The following ROBO2 variants were observed in gnomAD, a reference collection of about 807,000 sequenced individuals.
The protein encoded by ROBO2 is roundabout guidance receptor 2, also known as roundabout homolog 2.
In ROBO2, 53 loss-of-function variants were observed where a neutral mutation model predicts 160.8. The observed-to-expected ratio is 0.33, with a 90% CI of 0.26 to 0.41. ROBO2 has a LOEUF of 0.41. Among genes scored for constraint, ROBO2 ranks in the 10% least tolerant of loss-of-function variants. The pLI, the probability that ROBO2 is intolerant of heterozygous loss-of-function variation, is 1.00. For missense variants in ROBO2, 1,577 were observed against 1,722.4 expected (o/e 0.92, Z 1.49); for synonymous variants, 664 against 611.7 (o/e 1.09, Z -1.26).
At chr3:76,861,177 A>T (rs969262650) in intron 2 of ROBO2, among the ~76,000 whole-genome samples, 1 of 152,142 alleles carries the variant, frequency 6.6e-6, no homozygotes, top group Non-Finnish European at 1.5e-5. Context: ...TCCTTCATTT[A>T]TCTTGAGGAA....
chr3:76,718,710 A>C (rs1422304249), intron 2 of ROBO2, among the ~76,000 whole-genome samples: 5 of 152,172 alleles, frequency 3.3e-5, no homozygotes. Flanking sequence ...ATTTGTGAGC[A>C]ATGCTATTTT....
At chr3:77,308,464 G>C (rs1168718924) in intron 2 of ROBO2, among the ~76,000 whole-genome samples, 1 of 152,140 alleles carries the variant, frequency 6.6e-6, no homozygotes, top group South Asian at 2.1e-4. Context: ...GACTCCCAAC[G>C]TTGTGTCAGT....
intron 2 of ROBO2, among the ~76,000 whole-genome samples, chr3:77,216,352 C>T (rs1028476221): frequency 2.6e-5 from 4 of 152,152 alleles, no homozygotes; most frequent in East Asian, 1.9e-4. Flanking sequence ...AGCAAGACTC[C>T]GTGGGCATAG....
chr3:76,071,446 A>G, intron 2 of ROBO2, among the ~76,000 whole-genome samples: 1 of 152,146 alleles, frequency 6.6e-6, no homozygotes, highest in East Asian at 1.9e-4. Flanking sequence ...TAAGTATAAA[A>G]TGTTATGAAC....
At chr3:76,374,030 G>T (rs1440047157) in intron 2 of ROBO2, among the ~76,000 whole-genome samples, 1 of 151,992 alleles carries the variant, frequency 6.6e-6, no homozygotes, top group African/African-American at 2.4e-5. Context: ...GGAGTTCCAA[G>T]AACTTAATAA....
At chr3:77,303,396 G>A (rs1334562974) in intron 2 of ROBO2, among the ~76,000 whole-genome samples, 2 of 152,144 alleles carry the variant, frequency 1.3e-5, no homozygotes, top group African/African-American at 2.4e-5. Flanking sequence ...ATTTGATTTT[G>A]GGGCTAAGGT....
intron 20 of ROBO2, among the ~76,000 whole-genome samples, chr3:77,604,285 C>T (rs2094485564): frequency 1.3e-5 from 2 of 152,100 alleles, no homozygotes; most frequent in African/African-American, 4.8e-5. Flanking sequence ...TAATAAGTCT[C>T]ACAATTGTTC....
intron 2 of ROBO2, among the ~76,000 whole-genome samples, chr3:77,390,364 G>A (rs1438255095): frequency 2.0e-5 from 3 of 152,160 alleles, no homozygotes; most frequent in Admixed American, 6.5e-5. Flanking sequence ...ATCTTGAACT[G>A]TAGCTTCCAC....
chr3:77,030,073 A>T (rs931491514), intron 2 of ROBO2, among the ~76,000 whole-genome samples: 1 of 151,470 alleles, frequency 6.6e-6, no homozygotes, highest in Non-Finnish European at 1.5e-5. Context: ...GCCTCCCGAG[A>T]AGCTGGGACT....
intron 2 of ROBO2, among the ~76,000 whole-genome samples, chr3:77,026,172 G>T (rs559576409): frequency 3.4e-4 from 51 of 152,184 alleles, no homozygotes; most frequent in Middle Eastern, 3.4e-3. Context: ...CTCCAACTCC[G>T]TGGAATCCTT....
chr3:76,858,511 G>T (rs2070385058), intron 2 of ROBO2, among the ~76,000 whole-genome samples: 1 of 152,146 alleles, frequency 6.6e-6, no homozygotes, highest in African/African-American at 2.4e-5. Flanking sequence ...CAATCTGCCT[G>T]CCTTGGCTTC....
intron 3 of ROBO2, among the ~76,000 whole-genome samples, chr3:77,478,708 T>TA (rs990977622): frequency 9.2e-5 from 14 of 152,162 alleles, no homozygotes; most frequent in African/African-American, 3.1e-4. Context: ...GCCATTTTAA[T>TA]AAAAAAACTA....
chr3:76,235,366 C>T (rs1262859124), intron 2 of ROBO2, among the ~76,000 whole-genome samples: 2 of 152,138 alleles, frequency 1.3e-5, no homozygotes, highest in African/African-American at 2.4e-5. Context: ...AAGAGGTGCC[C>T]AGCATTGCCA....
At chr3:76,261,434 A>AT (rs1439006205) in intron 2 of ROBO2, among the ~76,000 whole-genome samples, 2 of 151,744 alleles carry the variant, frequency 1.3e-5, no homozygotes, top group Non-Finnish European at 2.9e-5. Flanking sequence ...ACTATGTGCC[A>AT]TTTTTTTGGG....
At chr3:76,450,973 T>A (rs572897257) in intron 2 of ROBO2, among the ~76,000 whole-genome samples, 32 of 152,238 alleles carry the variant, frequency 2.1e-4, no homozygotes, top group African/African-American at 7.7e-4. Flanking sequence ...TCACAAAGGT[T>A]AATTTACCTC....
At chr3:76,553,725 G>A (rs2083548094) in intron 2 of ROBO2, among the ~76,000 whole-genome samples, 1 of 152,144 alleles carries the variant, frequency 6.6e-6, no homozygotes, top group African/African-American at 2.4e-5. Flanking sequence ...TCATGTAAAT[G>A]TGAGGGTATT....
chr3:76,320,938 A>G lies in ROBO2; in HGVS notation c.109+383336A>G, dbSNP rs191154795. On this transcript the variant is annotated intron_variant, in intron 2 of 26. Transcript: ENST00000487694. ...AACGTAGATATACTGTACTATTAAC[A>G]AAATATTTGTAGTCTATCTACTATA... Among the ~76,000 whole-genome samples the G allele has an allele frequency of 4.3e-3, 649 of 152,330 alleles. 13 individuals carry two copies. The highest frequency in any genetic ancestry group is 2.0e-3 in the Non-Finnish European group (137 of 68,024).
At chr3:77,213,399 G>C (rs1376306345) in intron 2 of ROBO2, among the ~76,000 whole-genome samples, 1 of 152,054 alleles carries the variant, frequency 6.6e-6, no homozygotes, top group Admixed American at 6.5e-5. Context: ...ATGGTAGTTT[G>C]TATTTCTATG....
intron 2 of ROBO2, among the ~76,000 whole-genome samples, chr3:76,293,466 A>G (rs1383955852): frequency 6.6e-6 from 1 of 152,206 alleles, no homozygotes; most frequent in Non-Finnish European, 1.5e-5. Context: ...GGTGTTACAC[A>G]CAAGAGGGAG....
Sources: allele counts gnomAD v4.1 joint callset (sites outside exome capture counted in the v4.1 genomes callset), GRCh38; gene constraint gnomAD v4.1.1; transcripts MANE v1.5; gene names NCBI Gene and HGNC (gene_info 2026-07-23, HGNC 2026-07-21).